The following CSNK2A1 variants were observed in gnomAD, a reference collection of about 807,000 sequenced individuals.
CSNK2A1 encodes the protein casein kinase 2 alpha 1.
In CSNK2A1, 10 loss-of-function variants were observed where a neutral mutation model predicts 62.9. The observed-to-expected ratio is 0.16, with a 90% confidence interval of 0.10 to 0.27. CSNK2A1 has a LOEUF of 0.27. CSNK2A1 is among the 10% of genes least tolerant of loss of function. CSNK2A1 has a pLI of 1.00. For synonymous variants in CSNK2A1, 124 were observed against 167.8 expected (o/e 0.74, Z 2.02); for missense variants, 160 against 492.0 (o/e 0.33, Z 6.38).
rs1386033784 is a variant in CSNK2A1, at chr20:479,098, T to G, written c.*4863A>C. 1 of 152,598 alleles carries G rather than the reference T, an allele frequency of 6.6e-6. No homozygotes were observed. The highest frequency in any genetic ancestry group is 1.5e-5 in the Non-Finnish European group (1 of 68,156). The allele number at this position is 152,598 out of a possible 1,614,324, so 9.5% of individuals were successfully genotyped here. On this transcript the variant is annotated 3_prime_UTR_variant, in exon 14 of 14. Coordinates refer to ENST00000217244, the MANE Select transcript of CSNK2A1 (RefSeq NM_177559.3). ...ACTTGTACCCGTTGAAAACCTGTCA[T>G]GTTTAATGCTTGGATATTTTTTCTT...
At chr20:501,127 T>G (rs1438296651) in intron 4 of CSNK2A1, 1 of 150,284 alleles carries the variant, frequency 6.7e-6, no homozygotes, top group African/African-American at 2.5e-5. Flanking sequence ...TGTAGTAGCA[T>G]GATCTCAGCT....
Position 543,772 on chromosome 20 carries a change from C to T in CSNK2A1, c.-327G>A. 1 of 398,486 alleles carries T rather than the reference C, an allele frequency of 2.5e-6. No individual in the cohort carries two copies. The highest frequency in any genetic ancestry group is 4.4e-6 in the Non-Finnish European group (1 of 225,996). 24.7% of individuals were successfully genotyped at this position (398,486 alleles called of 1,614,324 possible). ...AGACACACGGCTCGGCCGCCAGCCG[C>T]AGGGACCAGAGCGAGGCTGCAGCCG... On this transcript the variant is annotated 5_prime_UTR_variant, in exon 1 of 14. Transcript: ENST00000217244.
At chr20:539,436 C>T (rs940776569) in intron 1 of CSNK2A1, 3 of 152,184 alleles carry the variant, frequency 2.0e-5, no homozygotes, top group African/African-American at 7.2e-5. Flanking sequence ...AATCTGGTCC[C>T]CTCCAGTAAC....
intron 4 of CSNK2A1, chr20:503,683 T>C: frequency 2.5e-6 from 1 of 398,610 alleles, no homozygotes; most frequent in East Asian, 3.6e-5. Flanking sequence ...GTTGCTGTGG[T>C]AAAAAGCAAG....
Position 485,117 on chromosome 20 carries a change from T to C in CSNK2A1, c.1061-1041A>G, listed in dbSNP as rs866295488. Among the ~76,000 whole-genome samples, 40 of 68,782 alleles carry C rather than the reference T, an allele frequency of 5.8e-4. 1 individual carries two copies. Among genetic ancestry groups the C allele is most frequent in the South Asian group, 1.7e-3 (3 of 1,798 alleles). 45.1% of individuals were successfully genotyped at this position (68,782 alleles called of 152,430 possible). On this transcript the variant is annotated intron_variant, in intron 13 of 13. Transcript: ENST00000217244. ...AAAAAAAAAAAAAAAAAAATATATA[T>C]ATATATATATATATATATATGAGAA... is the stretch of plus-strand genomic sequence containing the variant.
In CSNK2A1 at chr20:499,976, A is replaced by AAAAT; in HGVS notation, c.214-43_214-42insATTT. The AAAAT allele has an allele frequency of 2.9e-6, 4 of 1,362,306 alleles. No homozygotes were observed. Among genetic ancestry groups the AAAAT allele is most frequent in the Admixed American group, 2.1e-5 (1 of 48,528 alleles). 84.4% of individuals were successfully genotyped at this position (1,362,306 alleles called of 1,614,324 possible). A position where few individuals can be genotyped will look rare whatever the true frequency, so the allele number is the denominator to read the frequency against. On this transcript the variant is annotated intron_variant, in intron 4 of 13. Transcript: ENST00000217244. This position sits in a 1 kb window ranked among gnomAD's most constrained non-coding sequence, Gnocchi z 4.2. ...ACATCAGCAAAAAAAAAAAAAAAAA[A>AAAAT]TTTTTTCAGAGTATTTCAACACGTA...
Position 482,493 on chromosome 20 carries a change from T to A in CSNK2A1, c.*1468A>T, listed in dbSNP as rs2017973568. The A allele has an allele frequency of 6.6e-6, 1 of 152,136 alleles. No homozygotes were observed. The highest frequency in any genetic ancestry group is 2.1e-4 in the South Asian group (1 of 4,832). The allele number at this position is 152,136 out of a possible 1,614,324, so 9.4% of individuals were successfully genotyped here. The stretch of plus-strand genomic sequence containing the variant: ...ACAAAATGAGTTTTATGGCAAAGGA[T>A]CCTTAATCCCCAGAGACGCTTTGGC... On this transcript the variant is annotated 3_prime_UTR_variant, in exon 14 of 14. Coordinates refer to ENST00000217244, the MANE Select transcript of CSNK2A1 (RefSeq NM_177559.3).
At position 477,909 on chromosome 20, in the gene CSNK2A1, A is replaced by G. The variant is rs1205377203; in HGVS notation, c.*6052T>C. ...AAAACAAAACAAACAAACAAAACAA[A>G]ACAAAACAAAAAAACCCCAGTTACA... On this transcript the variant is annotated 3_prime_UTR_variant, in exon 14 of 14. Transcript: ENST00000217244. The G allele has an allele frequency of 6.6e-6, 1 of 152,050 alleles. No homozygotes were observed. The highest frequency in any genetic ancestry group is 2.4e-5 in the African/African-American group (1 of 41,364). 9.4% of individuals were successfully genotyped at this position (152,050 alleles called of 1,614,324 possible). A position where few individuals can be genotyped will look rare whatever the true frequency, so the allele number is the denominator to read the frequency against.
intron 4 of CSNK2A1, 112 bp from the exon 5 acceptor site, chr20:500,046 G>T: frequency 2.6e-6 from 2 of 772,250 alleles, no homozygotes; most frequent in Non-Finnish European, 2.1e-6. Context: ...AGCACACCTT[G>T]AAGGAAGAAA....
At chr20:497,647 T>C in intron 7 of CSNK2A1, 74 bp downstream of exon 7, 2 of 1,304,326 alleles carry the variant, frequency 1.5e-6, no homozygotes, top group Admixed American at 1.8e-5. Context: ...TCTGCTGGCT[T>C]TTCTACCATC....
intron 12 of CSNK2A1, 131 bp downstream of exon 12, chr20:487,292 ATCCC>A: frequency 8.0e-7 from 1 of 1,247,790 alleles, no homozygotes; most frequent in Non-Finnish European, 1.1e-6. Flanking sequence ...TGCCATCACT[ATCCC>A]CACTGGAAGA....
At chr20:535,916 AAC>A (rs2019310282) in intron 1 of CSNK2A1, among the ~76,000 whole-genome samples, 1 of 152,164 alleles carries the variant, frequency 6.6e-6, no homozygotes, top group Admixed American at 6.5e-5. Flanking sequence ...ACATATCCCT[AAC>A]ACACAATATT....
In CSNK2A1 at chr20:483,779, G is replaced by C; in HGVS notation, c.*182C>G. The C allele has an allele frequency of 2.5e-6, 1 of 398,788 alleles. No homozygotes were observed. The highest frequency in any genetic ancestry group is 4.3e-6 in the Non-Finnish European group (1 of 233,502). The allele number at this position is 398,788 out of a possible 1,614,324, so 24.7% of individuals were successfully genotyped here. A position where few individuals can be genotyped will look rare whatever the true frequency, so the allele number is the denominator to read the frequency against. ...GAAAAGTTCGAGTTAAAAAAAAAAA[G>C]AAAAAAGAAAATCAGCCTATTATAA... On this transcript the variant is annotated 3_prime_UTR_variant, in exon 14 of 14. Coordinates refer to ENST00000217244, the MANE Select transcript of CSNK2A1 (RefSeq NM_177559.3).
chr20:514,981 A>G (rs2018798262), intron 2 of CSNK2A1, among the ~76,000 whole-genome samples: 1 of 152,222 alleles, frequency 6.6e-6, no homozygotes, highest in Non-Finnish European at 1.5e-5. Flanking sequence ...GGGTGAGACA[A>G]GTATGCCATT....
At chr20:535,074 G>A (rs540355149) in intron 1 of CSNK2A1, among the ~76,000 whole-genome samples, 37 of 144,888 alleles carry the variant, frequency 2.6e-4, no homozygotes, top group African/African-American at 9.3e-4. Context: ...AAATTTCTTC[G>A]GACCAGTGTG....
chr20:541,185 T>C (rs2019441826), intron 1 of CSNK2A1: 1 of 152,156 alleles, frequency 6.6e-6, no homozygotes, highest in South Asian at 2.1e-4. Flanking sequence ...TTGGAGAAAG[T>C]TCTCTGCTTT....
At chr20:486,168 T>C (rs1349197769) in intron 13 of CSNK2A1, among the ~76,000 whole-genome samples, 1 of 152,064 alleles carries the variant, frequency 6.6e-6, no homozygotes, top group Non-Finnish European at 1.5e-5. Flanking sequence ...CAGCCAGGAA[T>C]GCTGAGATTC....
rs1469643978 is a variant in CSNK2A1, at chr20:478,131, C to CA, written c.*5829dup. ...TCACCTCTCAATCCCCAGTGTATAG[C>CA]AAAGACCAGGCTCAGGGGCACTTAC... On this transcript the variant is annotated 3_prime_UTR_variant, in exon 14 of 14. Coordinates refer to ENST00000217244, the MANE Select transcript of CSNK2A1 (RefSeq NM_177559.3). 6.6e-6 allele frequency: 1 copy of CA among 152,218 alleles called. No homozygotes were observed. Among genetic ancestry groups the CA allele is most frequent in the Non-Finnish European group, 1.5e-5 (1 of 68,122 alleles). The allele number at this position is 152,218 out of a possible 1,614,324, so 9.4% of individuals were successfully genotyped here.
intron 1 of CSNK2A1, among the ~76,000 whole-genome samples, chr20:541,752 T>A (rs1026262974): frequency 1.3e-5 from 2 of 152,238 alleles, no homozygotes; most frequent in South Asian, 4.1e-4. Flanking sequence ...GGCTTTTTTT[T>A]ATTTTTAAAG....
Sources: gnomAD v4.1 joint callset for allele counts (sites outside exome capture counted in the v4.1 genomes callset) on GRCh38, gnomAD v4.1.1 for gene constraint, Gnocchi (gnomAD v3.1) non-coding constraint, MANE v1.5 for transcripts, NCBI Gene and HGNC (gene_info 2026-07-23, HGNC 2026-07-21) for gene names.